Variants in PTPRK observed in about 807,000 individuals in gnomAD.
PTPRK encodes the protein receptor-type tyrosine-protein phosphatase kappa.
A neutral mutation model predicts 178.0 loss-of-function variants in PTPRK; 75 were observed. The ratio of observed to expected loss-of-function variants is 0.42; its 90% CI spans 0.35 to 0.51. PTPRK has a LOEUF of 0.51. Among genes scored for constraint, PTPRK ranks in the 20% least tolerant of loss-of-function variants. The pLI is 0.02. For missense variants in PTPRK, 1,441 were observed against 1,797.8 expected, an observed-to-expected ratio of 0.80 and a Z score of 3.59; for synonymous variants, 637 against 620.6, an observed-to-expected ratio of 1.03 and a Z score of -0.39.
chr6:128,248,629 G>A (rs1328956441), intron 3 of PTPRK, among the ~76,000 whole-genome samples: 1 of 152,134 alleles, frequency 6.6e-6, no homozygotes, highest in African/African-American at 2.4e-5. Context: ...CCCCTTATTT[G>A]TGCCATTGAG....
intron 7 of PTPRK, among the ~76,000 whole-genome samples, chr6:128,113,334 C>A (rs1446168197): frequency 6.6e-6 from 1 of 150,810 alleles, no homozygotes; most frequent in Non-Finnish European, 1.5e-5. Flanking sequence ...TGTGCACATA[C>A]ATAATTTCTA....
At chr6:128,248,467 T>C (rs964417329) in intron 3 of PTPRK, among the ~76,000 whole-genome samples, 7 of 151,716 alleles carry the variant, frequency 4.6e-5, no homozygotes, top group African/African-American at 1.7e-4. Context: ...CAGAGGGAAA[T>C]GAAAAAAATA....
intron 2 of PTPRK, among the ~76,000 whole-genome samples, chr6:128,380,189 G>C (rs1254295113): frequency 6.6e-6 from 1 of 151,810 alleles, no homozygotes; most frequent in Non-Finnish European, 1.5e-5. Context: ...CCTCAGGAGA[G>C]AAAAAAATTC....
At chr6:128,014,453 T>TAA (rs36014675) in intron 13 of PTPRK, among the ~76,000 whole-genome samples, 10 of 151,092 alleles carry the variant, frequency 6.6e-5, no homozygotes, top group South Asian at 2.1e-4. Flanking sequence ...CCTTCATCTA[T>TAA]AAAAAAAATT....
intron 12 of PTPRK, among the ~76,000 whole-genome samples, chr6:128,066,722 A>G (rs955384732): frequency 1.3e-5 from 2 of 151,986 alleles, no homozygotes; most frequent in East Asian, 3.9e-4. Flanking sequence ...AAATAAATAA[A>G]TAAATAAATA....
At position 128,463,741 on chromosome 6, in the gene PTPRK, G is replaced by GTTT. The variant is rs896710320; in HGVS notation, c.100+56515_100+56517dup. Among the ~76,000 whole-genome samples the GTTT allele has an allele frequency of 2.5e-3, 245 of 96,874 alleles. 33 individuals are homozygous for GTTT. The highest frequency in any genetic ancestry group is 9.5e-3 in the African/African-American group (213 of 22,320). The allele number at this position is 96,874 out of a possible 152,430, so 63.6% of individuals were successfully genotyped here. On this transcript the variant is annotated intron_variant, in intron 1 of 29. Transcript: ENST00000368226. ...TTCTCTATAAAAGTCAATCTTCACG[G>GTTT]TTTTTTTTTTTTTTTTTTTTTTTTT...
chr6:128,141,376 G>A (rs752074197), intron 7 of PTPRK, among the ~76,000 whole-genome samples: 17 of 151,666 alleles, frequency 1.1e-4, no homozygotes, highest in Non-Finnish European at 2.1e-4. Flanking sequence ...GATTAACACG[G>A]AACGAATCAT....
At chr6:128,431,482 T>C (rs1445218579) in intron 1 of PTPRK, among the ~76,000 whole-genome samples, 1 of 152,112 alleles carries the variant, frequency 6.6e-6, no homozygotes, top group Non-Finnish European at 1.5e-5. Context: ...TAGCTGATGA[T>C]GTAGGAATGA....
intron 7 of PTPRK, among the ~76,000 whole-genome samples, chr6:128,131,338 C>G (rs765458426): frequency 4.6e-5 from 7 of 152,056 alleles, no homozygotes; most frequent in Non-Finnish European, 1.0e-4. Flanking sequence ...GTTCCAGGAG[C>G]GGGGAGGGCT....
At chr6:128,300,344 C>T (rs920141121) in intron 3 of PTPRK, among the ~76,000 whole-genome samples, 1 of 151,990 alleles carries the variant, frequency 6.6e-6, no homozygotes, top group African/African-American at 2.4e-5. Flanking sequence ...ACTAGAAATA[C>T]CATTTGACCC....
At chr6:128,431,732 C>A (rs527723190) in intron 1 of PTPRK, among the ~76,000 whole-genome samples, 1 of 152,132 alleles carries the variant, frequency 6.6e-6, no homozygotes, top group African/African-American at 2.4e-5. Flanking sequence ...CTCCTTTAAG[C>A]GCATCCAACG....
At chr6:128,058,698 T>A (rs1261132972) in intron 13 of PTPRK, among the ~76,000 whole-genome samples, 3 of 152,042 alleles carry the variant, frequency 2.0e-5, no homozygotes, top group Non-Finnish European at 4.4e-5. Context: ...GTCTAAAAAA[T>A]CCTTGCCTAT....
At chr6:127,999,359 C>T (rs549129326) in intron 15 of PTPRK, among the ~76,000 whole-genome samples, 1 of 151,956 alleles carries the variant, frequency 6.6e-6, no homozygotes, top group Admixed American at 6.6e-5. Context: ...CAAAGGGCTG[C>T]TCTTCTTGTT....
intron 1 of PTPRK, among the ~76,000 whole-genome samples, chr6:128,429,556 C>A (rs940202586): frequency 1.8e-4 from 28 of 152,188 alleles, no homozygotes; most frequent in African/African-American, 6.8e-4. Context: ...GTAATAGTTC[C>A]AATTCCAAAG....
intron 2 of PTPRK, among the ~76,000 whole-genome samples, chr6:128,342,195 G>A (rs908130404): frequency 1.3e-5 from 2 of 151,584 alleles, no homozygotes; most frequent in African/African-American, 4.9e-5. Flanking sequence ...GGAGGTTGCA[G>A]TGAGCCGAGA....
intron 7 of PTPRK, among the ~76,000 whole-genome samples, chr6:128,176,939 T>A (rs770050418): frequency 1.3e-5 from 2 of 151,718 alleles, no homozygotes; most frequent in Non-Finnish European, 3.0e-5. Context: ...TCCATACCCA[T>A]CTGTCAGAAC....
chr6:128,278,469 T>C (rs1383326978), intron 3 of PTPRK, among the ~76,000 whole-genome samples: 3 of 152,124 alleles, frequency 2.0e-5, no homozygotes, highest in South Asian at 2.1e-4. Flanking sequence ...TCTTAATATG[T>C]CTACATTTCA....
chr6:128,136,452 T>C (rs1389418326), intron 7 of PTPRK, among the ~76,000 whole-genome samples: 2 of 152,224 alleles, frequency 1.3e-5, no homozygotes, highest in African/African-American at 4.8e-5. Context: ...ATAATTCATT[T>C]AATAAAATGG....
At chr6:128,278,767 G>T (rs528308186) in intron 3 of PTPRK, among the ~76,000 whole-genome samples, 1 of 152,110 alleles carries the variant, frequency 6.6e-6, no homozygotes, top group African/African-American at 2.4e-5. Flanking sequence ...AACATCGAAT[G>T]CACTGTCTGA....
Sources: allele counts gnomAD v4.1 joint callset (sites outside exome capture counted in the v4.1 genomes callset), GRCh38; gene constraint gnomAD v4.1.1; transcripts MANE v1.5; gene names NCBI Gene and HGNC (gene_info 2026-07-23, HGNC 2026-07-21).